Variants in RBPJ observed in about 807,000 individuals in gnomAD.
The protein encoded by RBPJ is recombining binding protein suppressor of hairless.
In RBPJ, 9 loss-of-function variants were observed where a neutral mutation model predicts 67.8. The ratio of observed to expected loss-of-function variants is 0.13; its 90% CI spans 0.08 to 0.23. RBPJ has a LOEUF of 0.23. Ranked by LOEUF, RBPJ falls within the 10% of genes least tolerant of loss-of-function variation. RBPJ has a pLI of 1.00. For synonymous variants in RBPJ, 198 were observed against 203.3 expected, an observed-to-expected ratio of 0.97 and a Z score of 0.22; for missense variants, 305 against 595.6, an observed-to-expected ratio of 0.51 and a Z score of 5.08.
At chr4:26,108,661 C>T in the RBPJ span, among the ~76,000 whole-genome samples, 3 of 152,202 alleles carry the variant, frequency 2.0e-5, no homozygotes, top group Non-Finnish European at 4.4e-5. Context: ...ATGCATAGAA[C>T]AGTGACTTAA....
chr4:26,315,079 A>G (rs2109309929), upstream of RBPJ, among the ~76,000 whole-genome samples: 1 of 132,790 alleles, frequency 7.5e-6, no homozygotes, highest in South Asian at 2.6e-4. Flanking sequence ...CAGGAGGGGG[A>G]GGTTGCAGAG....
At chr4:26,286,320 A>T (rs930167442) in intron 1 of RBPJ, among the ~76,000 whole-genome samples, 1 of 152,072 alleles carries the variant, frequency 6.6e-6, no homozygotes, top group African/African-American at 2.4e-5. Context: ...CTCTTTAAAA[A>T]TAAAAAATTA....
At chr4:26,313,948 CTA>C (rs1722520973) in intron 1 of RBPJ, among the ~76,000 whole-genome samples, 1 of 152,158 alleles carries the variant, frequency 6.6e-6, no homozygotes, top group Middle Eastern at 3.4e-3. Flanking sequence ...TCCCTCCTTT[CTA>C]TGTTTTATAT....
At chr4:26,367,769 CAG>C (rs1728774418) in intron 1 of RBPJ, 1 of 152,166 alleles carries the variant, frequency 6.6e-6, no homozygotes, top group Non-Finnish European at 1.5e-5. Context: ...AGGATGATCA[CAG>C]AGTTTCTGGT....
At chr4:26,163,387 C>CA (rs36072727), upstream of RBPJ, 1 of 147,832 alleles carries the variant, frequency 6.8e-6, no homozygotes, top group African/African-American at 2.5e-5. Flanking sequence ...ACCCCACACA[C>CA]AAAAAAAAAA....
intron 1 of RBPJ, among the ~76,000 whole-genome samples, chr4:26,242,213 C>T (rs529198049): frequency 1.3e-5 from 2 of 152,028 alleles, no homozygotes; most frequent in East Asian, 2.0e-4. Context: ...TATGGGAGCC[C>T]GAGGCGGGCG....
At chr4:26,319,862 A>C (rs772787106), upstream of RBPJ, 1 of 1,584,638 alleles carries the variant, frequency 6.3e-7, no homozygotes, top group Non-Finnish European at 8.7e-7. Context: ...GGAAAGAGCA[A>C]AGGAGGGGAA....
At chr4:26,121,756 A>G in the RBPJ span, among the ~76,000 whole-genome samples, 1 of 152,188 alleles carries the variant, frequency 6.6e-6, no homozygotes, top group African/African-American at 2.4e-5. Context: ...ATAATCAAGT[A>G]GCATCCAATC....
At chr4:26,278,861 C>T (rs897320586) in intron 1 of RBPJ, among the ~76,000 whole-genome samples, 1 of 152,186 alleles carries the variant, frequency 6.6e-6, no homozygotes, top group South Asian at 2.1e-4. Flanking sequence ...GTTCCACTTA[C>T]ATGATATCTG....
Position 26,412,130 on chromosome 4 carries a change from A to G in RBPJ, c.156-3345A>G, listed in dbSNP as rs982847315. ...ACTCCGTCTCAAAAAAAAAAAAAAA[A>G]AGTACCATTTATGATAACTCATTGA... On this transcript the variant is annotated intron_variant, in intron 3 of 10. Coordinates refer to ENST00000355476, the MANE Select transcript of RBPJ (RefSeq NM_015874.6). Among the ~76,000 whole-genome samples the G allele has an allele frequency of 2.6e-5, 4 of 151,530 alleles. No individual in the cohort carries two copies. The East Asian group carries it at 7.8e-4, about 29-fold the overall frequency.
intron 3 of RBPJ, among the ~76,000 whole-genome samples, chr4:26,411,300 C>A (rs1378836002): frequency 1.3e-5 from 2 of 151,418 alleles, no homozygotes; most frequent in Non-Finnish European, 2.9e-5. Context: ...AAGTTTTCTT[C>A]TGTTAATTTG....
intron 1 of RBPJ, among the ~76,000 whole-genome samples, chr4:26,167,836 T>C (rs1027320347): frequency 5.3e-5 from 8 of 151,916 alleles, no homozygotes; most frequent in African/African-American, 1.7e-4. Flanking sequence ...CCATTCAGTA[T>C]GATATTGGCT....
intron 1 of RBPJ, among the ~76,000 whole-genome samples, chr4:26,351,871 G>A (rs1477120685): frequency 2.0e-5 from 3 of 152,184 alleles, no homozygotes; most frequent in Admixed American, 6.5e-5. Flanking sequence ...TACAGGTTAT[G>A]CAGTAGGGTC....
intron 1 of RBPJ, among the ~76,000 whole-genome samples, chr4:26,333,066 G>A (rs971433083): frequency 6.6e-6 from 1 of 152,190 alleles, no homozygotes; most frequent in African/African-American, 2.4e-5. Context: ...TTTGAACTGA[G>A]TGGGTCCACT....
At chr4:26,217,066 T>A (rs1330428602) in intron 1 of RBPJ, among the ~76,000 whole-genome samples, 1 of 152,084 alleles carries the variant, frequency 6.6e-6, no homozygotes, top group African/African-American at 2.4e-5. Context: ...AGGCAAAACA[T>A]GGAGGTGGTT....
chr4:26,322,570 G>C (rs1482530239), intron 1 of RBPJ, among the ~76,000 whole-genome samples: 1 of 152,120 alleles, frequency 6.6e-6, no homozygotes, highest in African/African-American at 2.4e-5. Flanking sequence ...GCACCGAAGA[G>C]TGCAGTTTCT....
intron 1 of RBPJ, among the ~76,000 whole-genome samples, chr4:26,182,100 T>C (rs1717019485): frequency 6.6e-6 from 1 of 152,256 alleles, no homozygotes; most frequent in Admixed American, 6.5e-5. Flanking sequence ...CCCAGCACTT[T>C]GGGAGGCCGA....
chr4:26,105,705 A>G, the RBPJ span, among the ~76,000 whole-genome samples: 1 of 152,248 alleles, frequency 6.6e-6, no homozygotes, highest in Non-Finnish European at 1.5e-5. Flanking sequence ...ACAAGAACAA[A>G]AACATGAGAA....
Position 26,244,285 on chromosome 4 carries a change from A to G in RBPJ, c.-167+80671A>G, listed in dbSNP as rs1446161789. On this transcript the variant is annotated intron_variant, in intron 1 of 4. Transcript: ENST00000512351. ...TATGTGTACACATATATGTGTGTAT[A>G]TGTATACACATATGTGTACACATAT... 9.6e-5 allele frequency among the ~76,000 whole-genome samples: 14 copies of G among 145,802 alleles called. 1 individual carries two copies. Among genetic ancestry groups the G allele is most frequent in the South Asian group, 8.8e-4 (4 of 4,540 alleles).
Sources: gnomAD v4.1 joint callset for allele counts (sites outside exome capture counted in the v4.1 genomes callset) on GRCh38, gnomAD v4.1.1 for gene constraint, MANE v1.5 for transcripts, NCBI Gene and HGNC (gene_info 2026-07-23, HGNC 2026-07-21) for gene names.